NEK11: variants seen among roughly 807,000 people sequenced by gnomAD.
The protein encoded by NEK11 is serine/threonine-protein kinase Nek11.
NEK11 carries 72 observed loss-of-function variants against 80.7 expected under a neutral mutation model. The ratio of observed to expected loss-of-function variants is 0.89; its 90% CI spans 0.74 to 1.08. The LOEUF (loss-of-function observed/expected upper bound fraction) is 1.08, where lower values mean the gene tolerates loss of function less well. NEK11 is among the 50% of genes least tolerant of loss of function. NEK11 has a pLI of 0.00. For missense variants in NEK11, 764 were observed against 763.6 expected (o/e 1.00, Z -0.01); for synonymous variants, 251 against 260.7 (o/e 0.96, Z 0.36).
intron 14 of NEK11, among the ~76,000 whole-genome samples, chr3:131,215,310 T>TA (rs1561016035): frequency 6.7e-6 from 1 of 149,300 alleles, no homozygotes; most frequent in Non-Finnish European, 1.5e-5. Flanking sequence ...CATTAGGAGA[T>TA]ATACCTAATG....
At chr3:131,238,850 T>C (rs184804583) in intron 15 of NEK11, among the ~76,000 whole-genome samples, 1 of 152,314 alleles carries the variant, frequency 6.6e-6, no homozygotes, top group African/African-American at 2.4e-5. Context: ...GGTGTATACA[T>C]TTTTGAAAAC....
intron 14 of NEK11, among the ~76,000 whole-genome samples, chr3:131,213,714 T>G (rs1451381946): frequency 1.3e-5 from 2 of 152,128 alleles, no homozygotes; most frequent in African/African-American, 4.8e-5. Context: ...TCGAAGCATG[T>G]CAGAAATGCA....
chr3:131,027,344 T>A (rs189828864), intron 1 of NEK11: 6 of 152,114 alleles, frequency 3.9e-5, no homozygotes, highest in Admixed American at 3.9e-4. Context: ...TAACTACTGG[T>A]TTTCAACTTG....
At chr3:131,343,322 G>C (rs775750295) in intron 17 of NEK11, among the ~76,000 whole-genome samples, 1 of 152,164 alleles carries the variant, frequency 6.6e-6, no homozygotes, top group East Asian at 1.9e-4. Flanking sequence ...GAGCACTCAG[G>C]TAGAGTTTTG....
At chr3:131,152,559 C>A in intron 8 of NEK11, 22 bp downstream of exon 8, 1 of 1,609,508 alleles carries the variant, frequency 6.2e-7, no homozygotes, top group South Asian at 1.1e-5. Context: ...AACATGTTGT[C>A]ACAGAAATAA....
chr3:131,192,486 C>T (rs1234023454), intron 14 of NEK11, among the ~76,000 whole-genome samples: 2 of 152,014 alleles, frequency 1.3e-5, no homozygotes, highest in South Asian at 2.1e-4. Flanking sequence ...ATTTGTATAC[C>T]GATGTTCACA....
intron 3 of NEK11, among the ~76,000 whole-genome samples, chr3:131,077,362 G>A (rs527562694): frequency 6.6e-6 from 1 of 152,118 alleles, no homozygotes; most frequent in East Asian, 1.9e-4. Context: ...GCTCAGTGAC[G>A]TGATTTTAGG....
chr3:131,068,535 C>T (rs78191785), intron 3 of NEK11, among the ~76,000 whole-genome samples: 2,013 of 152,240 alleles, frequency 0.013, 40 homozygotes, highest in African/African-American at 0.045. Context: ...TAGAAAACCA[C>T]GCCCAAGCTT....
At chr3:131,242,814 G>T (rs911463411) in intron 15 of NEK11, among the ~76,000 whole-genome samples, 1 of 152,108 alleles carries the variant, frequency 6.6e-6, no homozygotes, top group Non-Finnish European at 1.5e-5. Context: ...TTTCAAGCCT[G>T]CTTGGTGGAG....
At chr3:131,247,969 T>A (rs751850821) in intron 16 of NEK11, among the ~76,000 whole-genome samples, 4 of 152,116 alleles carry the variant, frequency 2.6e-5, no homozygotes, top group Non-Finnish European at 5.9e-5. Context: ...TTTTACTTAA[T>A]TTGTTCATCT....
chr3:131,162,221 A>G (rs895343270), intron 10 of NEK11, among the ~76,000 whole-genome samples, 187 bp from the exon 11 acceptor site: 22 of 152,232 alleles, frequency 1.4e-4, no homozygotes, highest in African/African-American at 5.1e-4. Flanking sequence ...TCTAATTTGA[A>G]AAATGTTGCT....
intron 17 of NEK11, among the ~76,000 whole-genome samples, chr3:131,312,325 G>A (rs2162686): frequency 2.6e-5 from 4 of 152,134 alleles, no homozygotes; most frequent in Admixed American, 6.6e-5. Context: ...TAGATAACAC[G>A]TTAAGTGATT....
At chr3:131,093,381 G>A (rs778574151) in intron 4 of NEK11, among the ~76,000 whole-genome samples, 2 of 151,946 alleles carry the variant, frequency 1.3e-5, no homozygotes, top group African/African-American at 2.4e-5. Context: ...ACAAGAGTCT[G>A]AATATATGAA....
In NEK11 at chr3:131,142,238, A is replaced by T. The variant is rs542217146; in HGVS notation, c.647+8282A>T. ...ACTGGCTGAAGCAAGTCCTATGCCA[A>T]TTCCCCCTGTGGGGGAAGGGAAAAA... is the stretch of plus-strand genomic sequence containing the variant. On this transcript the variant is annotated intron_variant, in intron 7 of 17. Transcript: ENST00000383366. Among the ~76,000 whole-genome samples, 32 of 152,302 alleles carry T rather than the reference A, an allele frequency of 2.1e-4. 1 individual carries two copies. Among genetic ancestry groups the T allele is most frequent in the African/African-American group, 7.5e-4 (31 of 41,574 alleles).
intron 14 of NEK11, chr3:131,184,828 G>A: frequency 2.0e-6 from 1 of 499,650 alleles, no homozygotes; most frequent in South Asian, 5.4e-5. Flanking sequence ...CTTTCTTTAT[G>A]GATACCCCTA....
At position 131,152,437 on chromosome 3, in the gene NEK11, G is replaced by A. The variant is rs547475674; in HGVS notation, c.697G>A (p.Ala233Thr). Residue 233 changes from alanine to threonine, a missense_variant, in exon 8 of 18, where the codon GCT becomes ACT. Ala to Thr is a moderately conservative substitution (Grantham distance 58). Coordinates refer to ENST00000383366, the MANE Select transcript of NEK11 (RefSeq NM_024800.5). The part of the protein sequence containing the change: ...YEMCCMNHAF[A>T]GSNFLSIVLK... ...GATGTGCTGCATGAATCATGCATTC[G>A]CTGGCTCCAATTTCTTATCCATTGT... 4.6e-5 allele frequency: 75 copies of A among 1,613,544 alleles called. No homozygotes were observed. The highest frequency in any genetic ancestry group is 3.1e-4 in the South Asian group (28 of 91,024).
intron 14 of NEK11, among the ~76,000 whole-genome samples, chr3:131,184,097 C>T (rs1277432346): frequency 6.6e-6 from 1 of 152,192 alleles, no homozygotes; most frequent in Admixed American, 6.5e-5. Flanking sequence ...ATTGCTCTCT[C>T]AGCTCAAAAT....
At chr3:131,304,469 C>G (rs1264980322) in intron 17 of NEK11, among the ~76,000 whole-genome samples, 1 of 152,210 alleles carries the variant, frequency 6.6e-6, no homozygotes, top group African/African-American at 2.4e-5. Flanking sequence ...TAAGAAGACA[C>G]TCTGACTTTT....
intron 15 of NEK11, among the ~76,000 whole-genome samples, chr3:131,233,178 A>G (rs979066153): frequency 3.3e-5 from 5 of 152,110 alleles, no homozygotes; most frequent in African/African-American, 7.2e-5. Context: ...CTGCACTGCA[A>G]TTCTGAAAAA....
Sources: allele counts gnomAD v4.1 joint callset (sites outside exome capture counted in the v4.1 genomes callset), GRCh38; gene constraint gnomAD v4.1.1; transcripts MANE v1.5; gene names NCBI Gene and HGNC (gene_info 2026-07-23, HGNC 2026-07-21).